Variants in CCDC171 observed in about 807,000 individuals in gnomAD.
CCDC171 encodes the protein coiled-coil domain containing 171, also known as coiled-coil domain-containing protein 171.
CCDC171 carries 177 observed loss-of-function variants against 168.2 expected under a neutral mutation model. The ratio of observed to expected loss-of-function variants is 1.05; its 90% CI spans 0.93 to 1.19. The LOEUF (loss-of-function observed/expected upper bound fraction) is 1.19. Among genes scored for constraint, CCDC171 ranks in the 50% most tolerant of loss-of-function variants. CCDC171 has a pLI of 0.00. For synonymous variants in CCDC171, 687 were observed against 540.8 expected (o/e 1.27, Z -3.75); for missense variants, 1,991 against 1,539.0 (o/e 1.29, Z -4.91).
chr9:15,988,813 A>G (rs1306543936), intron 3 of CCDC171, among the ~76,000 whole-genome samples: 5 of 152,170 alleles, frequency 3.3e-5, no homozygotes, highest in South Asian at 2.1e-4. Context: ...TCCCAAGCCC[A>G]TGGAGCCTCA....
chr9:16,105,324 G>A, the CCDC171 span, among the ~76,000 whole-genome samples: 17 of 152,256 alleles, frequency 1.1e-4, no homozygotes, highest in Non-Finnish European at 2.1e-4. Context: ...TAGGACGCTG[G>A]CACTCCCTCT....
intron 23 of CCDC171, among the ~76,000 whole-genome samples, chr9:15,863,158 G>C (rs998847532): frequency 6.6e-6 from 1 of 152,012 alleles, no homozygotes; most frequent in Non-Finnish European, 1.5e-5. Context: ...TGAAGAGTGG[G>C]ACATTGTACG....
chr9:15,747,617 G>T (rs1364232042), intron 18 of CCDC171, among the ~76,000 whole-genome samples: 1 of 152,184 alleles, frequency 6.6e-6, no homozygotes, highest in Non-Finnish European at 1.5e-5. Context: ...ACAGGGTCTG[G>T]ACTGGACGTC....
intron 25 of CCDC171, among the ~76,000 whole-genome samples, chr9:15,929,937 C>T (rs1826315156): frequency 6.6e-6 from 1 of 151,594 alleles, no homozygotes; most frequent in African/African-American, 2.4e-5. Context: ...CACCATTGTT[C>T]AATTGGCAGA....
chr9:15,586,984 AT>A (rs1390954404), intron 4 of CCDC171, among the ~76,000 whole-genome samples: 2 of 151,364 alleles, frequency 1.3e-5, no homozygotes, highest in South Asian at 2.1e-4. Flanking sequence ...ATTAAAAAAA[AT>A]TTTTTTTTGT....
chr9:15,640,918 C>T (rs2046557430), intron 7 of CCDC171, among the ~76,000 whole-genome samples: 1 of 151,914 alleles, frequency 6.6e-6, no homozygotes, highest in Non-Finnish European at 1.5e-5. Flanking sequence ...ACAAGTGTGC[C>T]CCCCTTCCCT....
intron 2 of CCDC171, among the ~76,000 whole-genome samples, chr9:15,566,432 C>A (rs1322699628): frequency 1.3e-5 from 2 of 151,968 alleles, no homozygotes; most frequent in African/African-American, 4.8e-5. Flanking sequence ...GGTGGTGTGC[C>A]TGTGTGGTCC....
chr9:15,774,272 A>C (rs916413481), intron 18 of CCDC171, among the ~76,000 whole-genome samples: 1 of 149,764 alleles, frequency 6.7e-6, no homozygotes. Context: ...AAAAAAAAAA[A>C]AAAAAGTCAT....
intron 18 of CCDC171, among the ~76,000 whole-genome samples, chr9:15,764,477 A>G (rs1036819367): frequency 2.6e-5 from 4 of 152,186 alleles, no homozygotes; most frequent in African/African-American, 9.7e-5. Context: ...TTGCTGATGT[A>G]TGTTGAATGT....
chr9:15,892,719 A>G (rs1255333078), intron 24 of CCDC171, among the ~76,000 whole-genome samples: 1 of 152,176 alleles, frequency 6.6e-6, no homozygotes, highest in Non-Finnish European at 1.5e-5. Flanking sequence ...CTAGGAATAC[A>G]GCTAACAAGG....
At position 16,018,783 on chromosome 9, in the gene CCDC171, C is replaced by T. The variant is rs141520257; in HGVS notation, n.369-1806C>T. 1.1e-3 allele frequency among the ~76,000 whole-genome samples: 172 copies of T among 152,272 alleles called. 1 individual carries two copies. The highest frequency in any genetic ancestry group is 3.4e-3 in the Middle Eastern group (1 of 294). Reference sequence around the variant, plus strand: ...ACTAATTTTAAGAAAGTTGCTGATACCCAAGGGAGCTACAAAAGGTTATGG... The same window carrying T: ...ACTAATTTTAAGAAAGTTGCTGATATCCAAGGGAGCTACAAAAGGTTATGG... On this transcript the variant is annotated intron_variant and non_coding_transcript_variant, in intron 3 of 9. Coordinates refer to the CCDC171 transcript ENST00000486641.
intron 21 of CCDC171, among the ~76,000 whole-genome samples, chr9:15,787,009 T>A (rs2057998826): frequency 1.3e-5 from 2 of 152,154 alleles, no homozygotes; most frequent in Admixed American, 6.5e-5. Flanking sequence ...CCTTGTTGCT[T>A]ACACAAAGCC....
chr9:15,636,687 C>T (rs1285949001), intron 7 of CCDC171, among the ~76,000 whole-genome samples: 12 of 148,186 alleles, frequency 8.1e-5, no homozygotes, highest in African/African-American at 3.0e-4. Flanking sequence ...GAGTTTGGGC[C>T]TGCAGTGAGC....
chr9:15,751,756 A>C (rs888600046), intron 18 of CCDC171, among the ~76,000 whole-genome samples: 2 of 152,214 alleles, frequency 1.3e-5, no homozygotes, highest in African/African-American at 4.8e-5. Flanking sequence ...ACAAAAATTA[A>C]CTCAAGATGG....
chr9:15,695,297 G>C lies in CCDC171; in HGVS notation c.1278G>C (p.Ser426=), dbSNP rs750679426. The C allele has an allele frequency of 3.1e-6, 5 of 1,614,074 alleles. No homozygotes were observed. The highest frequency in any genetic ancestry group is 4.2e-6 in the Non-Finnish European group (5 of 1,179,956). ...TCENNVKELE[S]ILDSFTVSGQ... ...AAAATAACGTGAAAGAATTGGAATC[G>C]ATCTTGGACAGCTTTACTGTGTCGG... Residue 426 remains serine, a synonymous_variant, in exon 11 of 26, where the codon TCG becomes TCC. Coordinates refer to ENST00000380701, the MANE Select transcript of CCDC171 (RefSeq NM_173550.4).
chr9:15,711,063 A>C (rs752750490), intron 11 of CCDC171, among the ~76,000 whole-genome samples: 4 of 152,172 alleles, frequency 2.6e-5, no homozygotes, highest in Non-Finnish European at 4.4e-5. Flanking sequence ...AATCTGCAGT[A>C]ATGGAAATGT....
At chr9:15,604,400 A>G (rs1020279065) in intron 6 of CCDC171, among the ~76,000 whole-genome samples, 2 of 151,836 alleles carry the variant, frequency 1.3e-5, no homozygotes, top group African/African-American at 4.8e-5. Flanking sequence ...CTCCTTTGTT[A>G]TTTTTCCAGT....
At chr9:15,733,916 C>T (rs1335983889) in intron 16 of CCDC171, among the ~76,000 whole-genome samples, 1 of 152,066 alleles carries the variant, frequency 6.6e-6, no homozygotes, top group East Asian at 1.9e-4. Context: ...TGTAGGCATG[C>T]ACTACCATGC....
chr9:16,066,078 A>G (rs1033070851), downstream of CCDC171, among the ~76,000 whole-genome samples: 5 of 152,152 alleles, frequency 3.3e-5, no homozygotes, highest in Admixed American at 3.3e-4. Flanking sequence ...AATGCTGTCC[A>G]TGGACATCAG....
Sources: allele counts gnomAD v4.1 joint callset (sites outside exome capture counted in the v4.1 genomes callset), GRCh38; gene constraint gnomAD v4.1.1; transcripts MANE v1.5; gene names NCBI Gene and HGNC (gene_info 2026-07-23, HGNC 2026-07-21).